NSD3: variants seen among roughly 807,000 people sequenced by gnomAD.
NSD3 encodes histone-lysine N-methyltransferase NSD3.
In NSD3, 24 loss-of-function variants were observed where a neutral mutation model predicts 160.8. The observed-to-expected ratio is 0.15, with a 90% CI of 0.11 to 0.21. NSD3 has a LOEUF of 0.21. Ranked by LOEUF, NSD3 falls within the 10% of genes least tolerant of loss-of-function variation. NSD3 has a pLI of 1.00. For synonymous variants in NSD3, 520 were observed against 600.0 expected (o/e 0.87, Z 1.95); for missense variants, 1,157 against 1,735.9 (o/e 0.67, Z 5.93).
intron 22 of NSD3, among the ~76,000 whole-genome samples, chr8:38,276,933 C>T (rs756566807): frequency 2.0e-5 from 3 of 152,204 alleles, no homozygotes; most frequent in South Asian, 2.1e-4. Flanking sequence ...AGTGATCCTC[C>T]GCCTCAGCCT....
In NSD3 at chr8:38,316,451, CTTGTTT is replaced by C. The variant is rs1809666356; in HGVS notation, c.1856-415_1856-410del. 5 of 1,043,556 alleles carry C rather than the reference CTTGTTT, an allele frequency of 4.8e-6. No individual in the cohort carries two copies. The South Asian group carries it at 2.3e-4, about 48-fold the overall frequency. 64.6% of individuals were successfully genotyped at this position (1,043,556 alleles called of 1,614,324 possible). A position where few individuals can be genotyped will look rare whatever the true frequency, so the allele number is the denominator to read the frequency against. On this transcript the variant is annotated intron_variant, in intron 9 of 23. Coordinates refer to ENST00000317025, the MANE Select transcript of NSD3 (RefSeq NM_023034.2). This position sits in a 1 kb window ranked among gnomAD's most constrained non-coding sequence, Gnocchi z 4.5. ...AATATGGTTGCAGAGACATCTCCAT[CTTGTTT>C]TTATTAGGGATGTGACAAATCTTTG...
At chr8:38,370,468 A>G (rs778912953) in intron 1 of NSD3, among the ~76,000 whole-genome samples, 72 of 150,784 alleles carry the variant, frequency 4.8e-4, no homozygotes, top group Non-Finnish European at 8.3e-4. Context: ...TATACCTCAT[A>G]TTTTGTTTAA....
intron 1 of NSD3, among the ~76,000 whole-genome samples, chr8:38,354,658 G>A (rs969192480): frequency 5.9e-5 from 9 of 151,944 alleles, no homozygotes; most frequent in African/African-American, 1.2e-4. Flanking sequence ...AACAACTGGC[G>A]AATCTAGGTG....
At position 38,379,294 on chromosome 8, in the gene NSD3, C is replaced by CT. The variant is rs570499053; in HGVS notation, c.-45+2504dup. Among the ~76,000 whole-genome samples, 523 of 137,510 alleles carry CT rather than the reference C, an allele frequency of 3.8e-3. 2 individuals are homozygous for CT. Among genetic ancestry groups the CT allele is most frequent in the South Asian group, 7.5e-3 (33 of 4,384 alleles). 90.2% of individuals were successfully genotyped at this position (137,510 alleles called of 152,430 possible). ...CTGCATACATAAAAATAAACTTTTT[C>CT]TTTTTTTTTTTTTTAAGCAATGAAA... On this transcript the variant is annotated intron_variant, in intron 1 of 23. Transcript: ENST00000317025.
intron 2 of NSD3, among the ~76,000 whole-genome samples, chr8:38,347,089 T>G (rs1200535352): frequency 6.6e-6 from 1 of 152,220 alleles, no homozygotes; most frequent in Admixed American, 6.5e-5. Flanking sequence ...CAGGTTATTT[T>G]GTAGCAAACA....
rs570280082 is a variant in NSD3 at position 38,304,969 on chromosome 8, A to G, written c.2441-212T>C. On this transcript the variant is annotated intron_variant, in intron 13 of 23. Transcript: ENST00000317025. ...CACGTAGAGATCATCCAAAGAAAAAATTATTTGTTCCAATGCTGCAGAGAC... is the reference window on the plus strand; with the variant it reads ...CACGTAGAGATCATCCAAAGAAAAAGTTATTTGTTCCAATGCTGCAGAGAC... Among the ~76,000 whole-genome samples, 4 of 152,310 alleles carry G rather than the reference A, an allele frequency of 2.6e-5. No homozygotes were observed. The East Asian group carries it at 7.7e-4, about 29-fold the overall frequency.
intron 1 of NSD3, among the ~76,000 whole-genome samples, chr8:38,372,140 T>C (rs765432613): frequency 2.2e-4 from 33 of 152,232 alleles, no homozygotes; most frequent in Admixed American, 7.9e-4. Flanking sequence ...TTAATTAAGA[T>C]AGTTAAGCTA....
At chr8:38,311,215 C>T (rs988494595) in intron 12 of NSD3, among the ~76,000 whole-genome samples, 2 of 151,828 alleles carry the variant, frequency 1.3e-5, no homozygotes, top group Admixed American at 6.6e-5. Context: ...GCACCTGGCC[C>T]CCTGATTACT....
At position 38,314,499 on chromosome 8, in the gene NSD3, A is replaced by C. The variant is rs1809609660; in HGVS notation, c.2242+148T>G. On this transcript the variant is annotated intron_variant, in intron 12 of 23. Transcript: ENST00000317025. ...AACTACTTTTTAAATCTTGAAGCCA[A>C]ATCTTAATTTGTTGAAATACCTTTG... The C allele has an allele frequency of 4.0e-6, 5 of 1,239,618 alleles. No individual in the cohort carries two copies. The East Asian group carries it at 1.3e-4, about 32-fold the overall frequency. The allele number at this position is 1,239,618 out of a possible 1,614,324, so 76.8% of individuals were successfully genotyped here. A position where few individuals can be genotyped will look rare whatever the true frequency, so the allele number is the denominator to read the frequency against.
chr8:38,372,398 AAT>A (rs1161678111), intron 1 of NSD3, among the ~76,000 whole-genome samples: 1 of 152,188 alleles, frequency 6.6e-6, no homozygotes, highest in African/African-American at 2.4e-5. Context: ...CTACCTTAAA[AAT>A]ATTGTTCAGA....
rs549838217 is a variant in NSD3 at position 38,275,974 on chromosome 8, C to T, written c.4073-92G>A. 2.4e-3 allele frequency: 2,657 copies of T among 1,119,256 alleles called. 7 individuals are homozygous for T. The highest frequency in any genetic ancestry group is 3.1e-3 in the Non-Finnish European group (2,480 of 787,972). 69.3% of individuals were successfully genotyped at this position (1,119,256 alleles called of 1,614,324 possible). A position where few individuals can be genotyped will look rare whatever the true frequency, so the allele number is the denominator to read the frequency against. On this transcript the variant is annotated intron_variant, in intron 23 of 23. Coordinates refer to ENST00000317025, the MANE Select transcript of NSD3 (RefSeq NM_023034.2). ...GAAAAACCCAGGTTCCTTCTTCTCT[C>T]ATTGGAGATGGAATTCAATTGAATA...
rs776577956 is a variant in NSD3 at position 38,276,543 on chromosome 8, G to C, written c.3868-43C>G. On this transcript the variant is annotated intron_variant, in intron 22 of 23. Transcript: ENST00000317025. ...ATCATAGTTTCAAACATCACAGACAGTGCATGAAGCTGGACACAGGAAAAC... is the reference window on the plus strand; with the variant it reads ...ATCATAGTTTCAAACATCACAGACACTGCATGAAGCTGGACACAGGAAAAC... The C allele has an allele frequency of 4.4e-6, 7 of 1,605,246 alleles. No individual in the cohort carries two copies. In the African/African-American group the frequency reaches 9.4e-5, roughly 21 times the overall value.
chr8:38,276,582 AT>A, intron 22 of NSD3, 82 bp from the exon 23 acceptor site: 1 of 1,391,366 alleles, frequency 7.2e-7, no homozygotes, highest in East Asian at 2.4e-5. Flanking sequence ...GCAACCTTGC[AT>A]TCATTTAAAT....
At chr8:38,283,509 C>T (rs555790894) in intron 19 of NSD3, among the ~76,000 whole-genome samples, 7 of 149,024 alleles carry the variant, frequency 4.7e-5, no homozygotes, top group South Asian at 4.2e-4. Flanking sequence ...TACTGCATCA[C>T]GTTTTCTGAT....
chr8:38,297,897 A>C (rs771633901), intron 15 of NSD3, among the ~76,000 whole-genome samples: 1 of 152,196 alleles, frequency 6.6e-6, no homozygotes, highest in Non-Finnish European at 1.5e-5. Flanking sequence ...TGTGATTATT[A>C]GTACTGACCT....
rs370044472 is a variant in NSD3, at chr8:38,355,366, T to C, written c.-44-7151A>G. 5.4e-4 allele frequency among the ~76,000 whole-genome samples: 82 copies of C among 151,972 alleles called. No homozygotes were observed. In the South Asian group the frequency reaches 9.8e-3, roughly 18 times the overall value. On this transcript the variant is annotated intron_variant, in intron 1 of 23. Transcript: ENST00000317025. ...GAGCCTGGCCACTTGTTGGCTATTA[T>C]TATCATTCATTGCAATGCTGGGCAT...
intron 2 of NSD3, among the ~76,000 whole-genome samples, chr8:38,341,682 T>G (rs1172290303): frequency 6.6e-6 from 1 of 152,084 alleles, no homozygotes; most frequent in African/African-American, 2.4e-5. Context: ...CTGTGCACAG[T>G]GGTTCACACC....
Position 38,313,941 on chromosome 8 carries a change from C to T in NSD3, c.2242+706G>A, listed in dbSNP as rs138675861. Among the ~76,000 whole-genome samples the T allele has an allele frequency of 2.1e-3, 323 of 152,152 alleles. 4 individuals are homozygous for T. Among genetic ancestry groups the T allele is most frequent in the African/African-American group, 7.2e-3 (299 of 41,508 alleles). Reference sequence around the variant, plus strand: ...AATAAAGAGTCAAAGGTAAGATCAGCATATCATGTACACTTGCTATCTGAT... The same window carrying T: ...AATAAAGAGTCAAAGGTAAGATCAGTATATCATGTACACTTGCTATCTGAT... On this transcript the variant is annotated intron_variant, in intron 12 of 23. Coordinates refer to ENST00000317025, the MANE Select transcript of NSD3 (RefSeq NM_023034.2).
At chr8:38,297,632 T>A (rs1018291312) in intron 15 of NSD3, among the ~76,000 whole-genome samples, 1 of 152,196 alleles carries the variant, frequency 6.6e-6, no homozygotes, top group African/African-American at 2.4e-5. Context: ...ATACAACCCA[T>A]GATGAATTAA....
Sources: allele counts gnomAD v4.1 joint callset (sites outside exome capture counted in the v4.1 genomes callset), GRCh38; gene constraint gnomAD v4.1.1; non-coding constraint Gnocchi (gnomAD v3.1); transcripts MANE v1.5; gene names NCBI Gene and HGNC (gene_info 2026-07-23, HGNC 2026-07-21).